DYNLT5: variants seen among roughly 807,000 people sequenced by gnomAD.
DYNLT5 encodes the protein dynein light chain Tctex-type family member 5, also known as dynein light chain Tctex-type 5.
DYNLT5 carries 25 observed loss-of-function variants against 19.3 expected under a neutral mutation model. That is an observed-to-expected ratio of 1.30 (90% confidence interval 0.95 to 1.81). DYNLT5 has a LOEUF of 1.81. DYNLT5 is among the 40% of genes most tolerant of loss of function. The probability of loss-of-function intolerance (pLI) is 0.00; values close to 1 mark genes in which losing one functional copy is unlikely to be tolerated. For synonymous variants in DYNLT5, 82 were observed against 68.9 expected, an observed-to-expected ratio of 1.19 and a Z score of -0.94; for missense variants, 232 against 217.9, an observed-to-expected ratio of 1.06 and a Z score of -0.41.
Position 66,752,553 on chromosome 1 carries a change from G to A in DYNLT5, c.-35G>A. 1 of 985,510 alleles carries A rather than the reference G, an allele frequency of 1.0e-6. No individual in the cohort carries two copies. Among genetic ancestry groups the A allele is most frequent in the Non-Finnish European group, 1.2e-6 (1 of 830,004 alleles). The allele number at this position is 985,510 out of a possible 1,614,324, so 61.0% of individuals were successfully genotyped here. A position where few individuals can be genotyped will look rare whatever the true frequency, so the allele number is the denominator to read the frequency against. On this transcript the variant is annotated 5_prime_UTR_variant, in exon 1 of 5. Coordinates refer to ENST00000282670, the MANE Select transcript of DYNLT5 (RefSeq NM_152665.3). ...GCAGTGTCTGCAGTGCCGGAGGTCT[G>A]GGAGGCTCCGGGCGAAGCCTCCCTG...
At chr1:66,754,902 G>A (rs1408233987) in intron 2 of DYNLT5, 125 bp downstream of exon 2, 9 of 963,436 alleles carry the variant, frequency 9.3e-6, no homozygotes, top group Non-Finnish European at 1.3e-5. Context: ...CAAGGTGCAG[G>A]TCATCTTTAG....
At chr1:66,754,558 G>T in intron 1 of DYNLT5, 98 bp from the exon 2 acceptor site, 1 of 1,300,490 alleles carries the variant, frequency 7.7e-7, no homozygotes, top group South Asian at 2.1e-5. Context: ...AAAAATGGTA[G>T]GAAAACTATC....
intron 2 of DYNLT5, among the ~76,000 whole-genome samples, chr1:66,767,493 A>G (rs2150864920): frequency 6.6e-6 from 1 of 152,228 alleles, no homozygotes; most frequent in South Asian, 2.1e-4. Context: ...CCTGGCCTCA[A>G]GTGGTCTGCC....
intron 3 of DYNLT5, among the ~76,000 whole-genome samples, chr1:66,774,024 G>A (rs576025778): frequency 3.3e-5 from 5 of 152,268 alleles, no homozygotes; most frequent in African/African-American, 9.6e-5. Context: ...TTTCAAAACA[G>A]GATCTGGTTA....
At chr1:66,771,856 G>T (rs1645206125) in intron 3 of DYNLT5, among the ~76,000 whole-genome samples, 1 of 152,134 alleles carries the variant, frequency 6.6e-6, no homozygotes, top group African/African-American at 2.4e-5. Context: ...TTTGCAACTT[G>T]TTTTCTCAAA....
At chr1:66,769,591 C>T (rs1400417049) in intron 2 of DYNLT5, among the ~76,000 whole-genome samples, 1 of 151,992 alleles carries the variant, frequency 6.6e-6, no homozygotes, top group Non-Finnish European at 1.5e-5. Context: ...GAAATGACAT[C>T]TGTCTTAAAG....
intron 2 of DYNLT5, among the ~76,000 whole-genome samples, chr1:66,764,534 T>C (rs1474489328): frequency 2.6e-5 from 4 of 152,230 alleles, no homozygotes; most frequent in Non-Finnish European, 5.9e-5. Context: ...TTTATATGGA[T>C]ACAGTTTGTG....
intron 3 of DYNLT5, 188 bp from the exon 4 acceptor site, chr1:66,776,091 A>G: frequency 1.6e-6 from 1 of 616,548 alleles, no homozygotes. Context: ...ATGTACGAAA[A>G]TATTGTCTTC....
chr1:66,771,196 C>G (rs1645202670), intron 3 of DYNLT5, among the ~76,000 whole-genome samples: 1 of 152,192 alleles, frequency 6.6e-6, no homozygotes, highest in Non-Finnish European at 1.5e-5. Context: ...TCAGCCTGTC[C>G]CCTCTGGCCT....
intron 2 of DYNLT5, among the ~76,000 whole-genome samples, chr1:66,756,244 A>T (rs1459176934): frequency 6.6e-6 from 1 of 152,206 alleles, no homozygotes; most frequent in African/African-American, 2.4e-5. Flanking sequence ...TTAGAATGGA[A>T]CCTCTATTTG....
At position 66,778,887 on chromosome 1, in the gene DYNLT5, C is replaced by T. The variant is rs1412035927; in HGVS notation, c.*1433C>T. 1 of 151,918 alleles carries T rather than the reference C, an allele frequency of 6.6e-6. No homozygotes were observed. The highest frequency in any genetic ancestry group is 2.4e-5 in the African/African-American group (1 of 41,310). 9.4% of individuals were successfully genotyped at this position (151,918 alleles called of 1,614,324 possible). ...CCAATATTTGTCAATCTCCATAGAA[C>T]AGTTTTCAATCTGGATTAGATTACA... is the stretch of plus-strand genomic sequence containing the variant. On this transcript the variant is annotated 3_prime_UTR_variant, in exon 5 of 5. Transcript: ENST00000282670.
At chr1:66,773,510 A>T (rs920416190) in intron 3 of DYNLT5, among the ~76,000 whole-genome samples, 2 of 152,180 alleles carry the variant, frequency 1.3e-5, no homozygotes, top group Non-Finnish European at 2.9e-5. Flanking sequence ...TCAGCAAGGT[A>T]AATCCCCAAT....
At chr1:66,755,457 G>A (rs2094634477) in intron 2 of DYNLT5, among the ~76,000 whole-genome samples, 1 of 152,128 alleles carries the variant, frequency 6.6e-6, no homozygotes, top group South Asian at 2.1e-4. Flanking sequence ...CTGTTGGGAA[G>A]AAAACAAAAC....
chr1:66,753,103 A>G (rs981978684), intron 1 of DYNLT5, among the ~76,000 whole-genome samples: 7 of 152,260 alleles, frequency 4.6e-5, no homozygotes, highest in Middle Eastern at 6.8e-3. Flanking sequence ...ACCTGCACAC[A>G]CAGAGATGCA....
intron 3 of DYNLT5, among the ~76,000 whole-genome samples, chr1:66,773,711 A>G (rs568291850): frequency 2.1e-4 from 32 of 152,322 alleles, no homozygotes; most frequent in Non-Finnish European, 3.8e-4. Flanking sequence ...GCCCACATAC[A>G]TTAAGTAAAC....
At chr1:66,761,665 G>A (rs1003074365) in intron 2 of DYNLT5, among the ~76,000 whole-genome samples, 1 of 152,170 alleles carries the variant, frequency 6.6e-6, no homozygotes, top group Non-Finnish European at 1.5e-5. Flanking sequence ...TGTAGTCCTA[G>A]GTACTTGGGA....
rs141841597 is a variant in DYNLT5, at chr1:66,763,550, A to T, written c.120-6837A>T. 2.2e-3 allele frequency among the ~76,000 whole-genome samples: 334 copies of T among 152,370 alleles called. 11 individuals are homozygous for T. Among genetic ancestry groups the T allele is most frequent in the Non-Finnish European group, 8.7e-4 (59 of 68,030 alleles). On this transcript the variant is annotated intron_variant, in intron 2 of 4. Coordinates refer to ENST00000282670, the MANE Select transcript of DYNLT5 (RefSeq NM_152665.3). ...GCCCCTTCATCAATGATCTTAGCTT[A>T]TCCGATGATCTTAGATCTTCTGGGT... is the stretch of plus-strand genomic sequence containing the variant.
intron 2 of DYNLT5, chr1:66,755,919 A>C (rs1483337986): frequency 6.6e-6 from 1 of 152,242 alleles, no homozygotes; most frequent in African/African-American, 2.4e-5. Flanking sequence ...GAAACTATTT[A>C]AGTAATAGTC....
chr1:66,775,513 G>A (rs1303402793), intron 3 of DYNLT5: 4 of 152,050 alleles, frequency 2.6e-5, no homozygotes, highest in African/African-American at 4.8e-5. Flanking sequence ...TATGCCTTTA[G>A]CATTGTATTA....
Sources: allele counts gnomAD v4.1 joint callset (sites outside exome capture counted in the v4.1 genomes callset), GRCh38; gene constraint gnomAD v4.1.1; transcripts MANE v1.5; gene names NCBI Gene and HGNC (gene_info 2026-07-23, HGNC 2026-07-21).